The following UGT1A7 variants were observed in gnomAD, a reference collection of about 807,000 sequenced individuals.
UGT1A7 encodes the protein UDP-glucuronosyltransferase 1A7.
In UGT1A7, 33 loss-of-function variants were observed where a neutral mutation model predicts 45.6. The ratio of observed to expected loss-of-function variants is 0.72; its 90% CI spans 0.55 to 0.97. The LOEUF (loss-of-function observed/expected upper bound fraction) is 0.97. UGT1A7 is among the 50% of genes least tolerant of loss of function. The pLI is 0.00. For missense variants in UGT1A7, 684 were observed against 666.2 expected, an observed-to-expected ratio of 1.03 and a Z score of -0.29; for synonymous variants, 274 against 250.6, an observed-to-expected ratio of 1.09 and a Z score of -0.88.
chr2:233,732,188 TA>T lies in UGT1A7; in HGVS notation c.856-34845del, dbSNP rs994200311. Among the ~76,000 whole-genome samples the T allele has an allele frequency of 9.1e-4, 138 of 152,390 alleles. 1 individual carries two copies. The highest frequency in any genetic ancestry group is 3.2e-3 in the African/African-American group (134 of 41,598). ...TGAGTTCTTTGTAGATTCTGGATATTAGCCCTTTGTCAGATGGGTAGATTGC... is the reference window on the plus strand; with the variant it reads ...TGAGTTCTTTGTAGATTCTGGATATTGCCCTTTGTCAGATGGGTAGATTGC... On this transcript the variant is annotated intron_variant, in intron 1 of 4. Transcript: ENST00000373426.
At position 233,713,862 on chromosome 2, in the gene UGT1A7, T is replaced by G. The variant is rs765022217; in HGVS notation, c.855+31070T>G. 94 of 1,613,944 alleles carry G rather than the reference T, an allele frequency of 5.8e-5. No homozygotes were observed. In the African/African-American group the frequency reaches 1.1e-3, roughly 20 times the overall value. On this transcript the variant is annotated intron_variant, in intron 1 of 4. Transcript: ENST00000373426. ...CAACGGGAAGCCACTATCTCAGGTC[T>G]GTATTGGTGCCTTTATCCAATCAAT...
At chr2:233,737,717 C>A (rs2078914941) in intron 1 of UGT1A7, among the ~76,000 whole-genome samples, 1 of 152,178 alleles carries the variant, frequency 6.6e-6, no homozygotes, top group South Asian at 2.1e-4. Flanking sequence ...CTCTCCAACA[C>A]CTCCTTTTTT....
At chr2:233,696,570 G>A (rs2075349784) in intron 1 of UGT1A7, among the ~76,000 whole-genome samples, 1 of 151,964 alleles carries the variant, frequency 6.6e-6, no homozygotes, top group Non-Finnish European at 1.5e-5. Flanking sequence ...CTGAGAACAA[G>A]AATAATTTGA....
intron 1 of UGT1A7, chr2:233,752,621 T>A (rs1428833052): frequency 3.3e-5 from 5 of 152,162 alleles, no homozygotes; most frequent in Admixed American, 3.3e-4. Context: ...TAGCTAGGTG[T>A]GGTAGCTGTT....
chr2:233,700,896 C>T (rs1024170878), intron 1 of UGT1A7, among the ~76,000 whole-genome samples: 2 of 151,952 alleles, frequency 1.3e-5, no homozygotes, highest in African/African-American at 4.8e-5. Flanking sequence ...CAACAGTCCC[C>T]GGTGTGTGAC....
chr2:233,712,916 G>T (rs2076260625), intron 1 of UGT1A7: 4 of 1,611,516 alleles, frequency 2.5e-6, no homozygotes, highest in Non-Finnish European at 3.4e-6. Context: ...CAGTGACAAG[G>T]TAATTAAGAC....
chr2:233,762,228 C>T (rs1312160230), intron 1 of UGT1A7, among the ~76,000 whole-genome samples: 1 of 152,108 alleles, frequency 6.6e-6, no homozygotes, highest in Admixed American at 6.5e-5. Flanking sequence ...AATCTCAGCA[C>T]CTAAGGCACA....
chr2:233,701,555 C>T (rs1220931123), intron 1 of UGT1A7, among the ~76,000 whole-genome samples: 1 of 152,122 alleles, frequency 6.6e-6, no homozygotes, highest in African/African-American at 2.4e-5. Context: ...TTTTCAGCAC[C>T]ACACCACACC....
chr2:233,715,162 A>G (rs1420299748), intron 1 of UGT1A7, among the ~76,000 whole-genome samples: 3 of 152,214 alleles, frequency 2.0e-5, no homozygotes, highest in Non-Finnish European at 1.5e-5. Flanking sequence ...CTGGAATTAC[A>G]GGCGCGAGCC....
intron 1 of UGT1A7, among the ~76,000 whole-genome samples, chr2:233,710,212 T>C (rs942743285): frequency 6.6e-6 from 1 of 152,260 alleles, no homozygotes; most frequent in African/African-American, 2.4e-5. Flanking sequence ...TTGGCTATTA[T>C]GAATAAAGCT....
At chr2:233,686,379 G>C (rs2125534524) in intron 1 of UGT1A7, among the ~76,000 whole-genome samples, 1 of 152,062 alleles carries the variant, frequency 6.6e-6, no homozygotes, top group Middle Eastern at 3.4e-3. Context: ...AGAATGAAAA[G>C]ACAACTCGTG....
chr2:233,724,327 A>G (rs1359142433), intron 1 of UGT1A7, among the ~76,000 whole-genome samples: 358 of 72,230 alleles, frequency 5.0e-3, no homozygotes, highest in African/African-American at 8.2e-3. Flanking sequence ...GCGGCTGGCC[A>G]GGCGGGGGGC....
chr2:233,712,724 C>G (rs1378795818), intron 1 of UGT1A7, among the ~76,000 whole-genome samples: 3 of 151,202 alleles, frequency 2.0e-5, no homozygotes, highest in Non-Finnish European at 1.5e-5. Context: ...GAATGAGAAA[C>G]AAGAGCTTGA....
intron 1 of UGT1A7, among the ~76,000 whole-genome samples, chr2:233,700,929 G>T (rs577759047): frequency 6.6e-6 from 1 of 151,662 alleles, no homozygotes; most frequent in Non-Finnish European, 1.5e-5. Flanking sequence ...GTGTCTGTGT[G>T]TGATTGTTCA....
At chr2:233,731,174 T>A (rs1363213399) in intron 1 of UGT1A7, among the ~76,000 whole-genome samples, 2 of 152,202 alleles carry the variant, frequency 1.3e-5, no homozygotes, top group Admixed American at 6.5e-5. Context: ...ATGATTTTTT[T>A]ATGCAATGTA....
chr2:233,760,559 C>G (rs776620061), intron 1 of UGT1A7: 5 of 1,614,238 alleles, frequency 3.1e-6, no homozygotes, highest in Non-Finnish European at 2.5e-6. Flanking sequence ...GTGAAAGAGT[C>G]TTTTGTTAGT....
At chr2:233,701,427 C>T (rs1037772599) in intron 1 of UGT1A7, among the ~76,000 whole-genome samples, 1 of 152,092 alleles carries the variant, frequency 6.6e-6, no homozygotes, top group African/African-American at 2.4e-5. Flanking sequence ...CAACATTAGA[C>T]AGATCAACGA....
At chr2:233,770,449 T>A (rs1700082466) in intron 4 of UGT1A7, 1 of 151,928 alleles carries the variant, frequency 6.6e-6, no homozygotes, top group Non-Finnish European at 1.5e-5. Flanking sequence ...AGGTTAGGAG[T>A]TCGAAACCAA....
Position 233,768,353 on chromosome 2 carries a change from T to C in UGT1A7, c.1209T>C (p.Thr403=). The change falls in exon 4 of 5, where the codon ACT becomes ACC. Residue 403 remains threonine, a synonymous_variant. Coordinates refer to ENST00000373426, the MANE Select transcript of UGT1A7 (RefSeq NM_019077.3). ...TGGACAATGCAAAGCGCATGGAGAC[T>C]AAGGGAGCTGGAGTGACCCTGAATG... is the stretch of plus-strand genomic sequence containing the variant. ...DQMDNAKRME[T]KGAGVTLNVL... is the part of the protein sequence containing the mutation. 6.2e-7 allele frequency: 1 copy of C among 1,614,150 alleles called. No individual in the cohort carries two copies. The highest frequency in any genetic ancestry group is 1.1e-5 in the South Asian group (1 of 91,082).
Sources: allele counts gnomAD v4.1 joint callset (sites outside exome capture counted in the v4.1 genomes callset), GRCh38; gene constraint gnomAD v4.1.1; transcripts MANE v1.5; gene names NCBI Gene and HGNC (gene_info 2026-07-23, HGNC 2026-07-21).